CACNA2D1: variants seen among roughly 807,000 people sequenced by gnomAD.
CACNA2D1 encodes voltage-dependent calcium channel subunit alpha-2/delta-1.
In CACNA2D1, 53 loss-of-function variants were observed where a neutral mutation model predicts 171.5. That is an observed-to-expected ratio of 0.31 (90% confidence interval 0.25 to 0.39). The LOEUF is 0.39. CACNA2D1 is among the 10% of genes least tolerant of loss of function. The pLI, the probability that CACNA2D1 is intolerant of heterozygous loss-of-function variation, is 1.00. For missense variants in CACNA2D1, 903 were observed against 1,299.8 expected (o/e 0.69, Z 4.69); for synonymous variants, 442 against 443.1 (o/e 1.00, Z 0.03).
At chr7:81,961,280 A>C (rs1400308199) in intron 36 of CACNA2D1, among the ~76,000 whole-genome samples, 1 of 151,968 alleles carries the variant, frequency 6.6e-6, no homozygotes, top group African/African-American at 2.4e-5. Flanking sequence ...TCATTACAAC[A>C]AAATTAAATT....
At chr7:82,273,619 C>T (rs1585296644) in intron 3 of CACNA2D1, among the ~76,000 whole-genome samples, 1 of 152,114 alleles carries the variant, frequency 6.6e-6, no homozygotes. Context: ...ACCCAAGTAG[C>T]TTTGACCACA....
At chr7:82,252,240 T>C (rs1185077613) in intron 3 of CACNA2D1, among the ~76,000 whole-genome samples, 1 of 152,210 alleles carries the variant, frequency 6.6e-6, no homozygotes, top group African/African-American at 2.4e-5. Context: ...CCAAGCATTT[T>C]GCAAACTGCT....
chr7:82,086,182 T>C (rs1810467193), intron 6 of CACNA2D1, among the ~76,000 whole-genome samples: 1 of 152,200 alleles, frequency 6.6e-6, no homozygotes, highest in Non-Finnish European at 1.5e-5. Flanking sequence ...AATGCCATCA[T>C]GGTTAAATCA....
intron 5 of CACNA2D1, among the ~76,000 whole-genome samples, chr7:82,126,933 G>A (rs1001016807): frequency 6.6e-6 from 1 of 152,162 alleles, no homozygotes; most frequent in African/African-American, 2.4e-5. Flanking sequence ...ATCAAGCAAT[G>A]GGACATAGAC....
At chr7:82,214,364 T>C (rs1800883326) in intron 3 of CACNA2D1, among the ~76,000 whole-genome samples, 2 of 152,164 alleles carry the variant, frequency 1.3e-5, no homozygotes, top group Admixed American at 1.3e-4. Flanking sequence ...GCCTATTTCA[T>C]GCTGTATTGT....
At chr7:82,220,766 C>A (rs1284183701) in intron 3 of CACNA2D1, among the ~76,000 whole-genome samples, 2 of 143,046 alleles carry the variant, frequency 1.4e-5, no homozygotes, top group Non-Finnish European at 3.0e-5. Context: ...AGAAAAGTTT[C>A]TTTCTTTCTT....
intron 4 of CACNA2D1, among the ~76,000 whole-genome samples, chr7:82,160,992 T>C (rs1227540189): frequency 2.0e-5 from 3 of 152,162 alleles, no homozygotes; most frequent in South Asian, 2.1e-4. Flanking sequence ...ATATGTTTTA[T>C]GTGACACGAG....
Position 82,237,400 on chromosome 7 carries a change from C to T in CACNA2D1, c.295-66791G>A, listed in dbSNP as rs565141692. Among the ~76,000 whole-genome samples the T allele has an allele frequency of 4.3e-4, 65 of 152,012 alleles. 1 individual carries two copies. In the East Asian group the frequency reaches 8.7e-3, roughly 20 times the overall value. ...GTTATTGGCAAAACATACAGACACA[C>T]ACACAGATATATACTTATATCATGT... On this transcript the variant is annotated intron_variant, in intron 3 of 38. Coordinates refer to ENST00000356860, the MANE Select transcript of CACNA2D1 (RefSeq NM_000722.4).
chr7:82,057,835 T>C (rs979010947), intron 10 of CACNA2D1, among the ~76,000 whole-genome samples: 3 of 152,050 alleles, frequency 2.0e-5, no homozygotes, highest in African/African-American at 2.4e-5. Flanking sequence ...GCAGGGAAAT[T>C]AGGAAAGGTA....
intron 5 of CACNA2D1, among the ~76,000 whole-genome samples, chr7:82,119,086 AAC>A (rs1377982345): frequency 1.3e-5 from 2 of 152,148 alleles, no homozygotes; most frequent in African/African-American, 4.8e-5. Flanking sequence ...AAGGCTACTT[AAC>A]ACAGAATGTC....
At chr7:82,439,817 A>G (rs984311018) in intron 1 of CACNA2D1, among the ~76,000 whole-genome samples, 8 of 151,814 alleles carry the variant, frequency 5.3e-5, no homozygotes, top group African/African-American at 1.9e-4. Context: ...AAGACTTGAG[A>G]AAAGTTTATT....
intron 3 of CACNA2D1, among the ~76,000 whole-genome samples, chr7:82,304,805 C>T (rs1471886737): frequency 6.6e-6 from 1 of 152,078 alleles, no homozygotes; most frequent in African/African-American, 2.4e-5. Context: ...TGATTGATAA[C>T]ACAGTAGGGG....
intron 3 of CACNA2D1, among the ~76,000 whole-genome samples, chr7:82,260,421 T>C (rs1448973574): frequency 6.6e-6 from 1 of 152,152 alleles, no homozygotes; most frequent in African/African-American, 2.4e-5. Context: ...TTGTTTACTA[T>C]AGGGAACTAA....
chr7:82,052,549 A>C (rs962545495), intron 10 of CACNA2D1, among the ~76,000 whole-genome samples: 6 of 152,172 alleles, frequency 3.9e-5, no homozygotes, highest in Non-Finnish European at 8.8e-5. Context: ...ACCTGTATCA[A>C]TTTCAGACAG....
intron 1 of CACNA2D1, among the ~76,000 whole-genome samples, chr7:82,375,617 A>T (rs1161727145): frequency 6.6e-6 from 1 of 152,028 alleles, no homozygotes; most frequent in Non-Finnish European, 1.5e-5. Context: ...TGCTTTCAAC[A>T]CTTCTTACAA....
chr7:82,082,855 C>T (rs543065174), intron 7 of CACNA2D1, among the ~76,000 whole-genome samples: 1 of 152,002 alleles, frequency 6.6e-6, no homozygotes, highest in Admixed American at 6.5e-5. Flanking sequence ...TTAAAGCCAT[C>T]ATCCCTCAAT....
At chr7:82,246,278 T>C (rs1203797673) in intron 3 of CACNA2D1, among the ~76,000 whole-genome samples, 1 of 151,534 alleles carries the variant, frequency 6.6e-6, no homozygotes, top group African/African-American at 2.4e-5. Context: ...TACTAATATA[T>C]ACATTTAATT....
At chr7:82,116,139 C>T (rs920457201) in intron 6 of CACNA2D1, among the ~76,000 whole-genome samples, 1 of 152,140 alleles carries the variant, frequency 6.6e-6, no homozygotes, top group Non-Finnish European at 1.5e-5. Flanking sequence ...GTTCTTTCCC[C>T]TTACCCTTTA....
chr7:82,296,563 C>T (rs1161197246), intron 3 of CACNA2D1, among the ~76,000 whole-genome samples: 1 of 152,132 alleles, frequency 6.6e-6, no homozygotes, highest in African/African-American at 2.4e-5. Context: ...AGTTGTATGT[C>T]TCCTTTTAAA....
Sources: gnomAD v4.1 joint callset for allele counts (sites outside exome capture counted in the v4.1 genomes callset) on GRCh38, gnomAD v4.1.1 for gene constraint, MANE v1.5 for transcripts, NCBI Gene and HGNC (gene_info 2026-07-23, HGNC 2026-07-21) for gene names.